The following NFIB variants were observed in gnomAD, a reference collection of about 807,000 sequenced individuals.
NFIB encodes the protein nuclear factor 1 B-type.
In NFIB, 11 loss-of-function variants were observed where a neutral mutation model predicts 61.5. That is an observed-to-expected ratio of 0.18 (90% CI 0.11 to 0.30). NFIB has a LOEUF of 0.30. NFIB is among the 10% of genes least tolerant of loss of function. The probability of loss-of-function intolerance (pLI) is 1.00; values close to 1 mark genes in which losing one functional copy is unlikely to be tolerated. For missense variants in NFIB, 471 were observed against 608.9 expected (o/e 0.77, Z 2.38); for synonymous variants, 260 against 216.5 (o/e 1.20, Z -1.76).
intron 1 of NFIB, among the ~76,000 whole-genome samples, chr9:14,355,680 G>A (rs1462764756): frequency 6.6e-6 from 1 of 152,210 alleles, no homozygotes; most frequent in Non-Finnish European, 1.5e-5. Flanking sequence ...TGCCTGGCCG[G>A]CTGCAGTGGC....
chr9:14,267,990 G>A lies in NFIB; in HGVS notation c.562+38999C>T, dbSNP rs566750240. Among the ~76,000 whole-genome samples, 260 of 152,060 alleles carry A rather than the reference G, an allele frequency of 1.7e-3. 1 individual carries two copies. Among genetic ancestry groups the A allele is most frequent in the Middle Eastern group, 3.4e-3 (1 of 294 alleles). ...TCTACAAAAATACAAAAATGTGCCC[G>A]GCATGATGGCGGGTGCCTGTAATCC... On this transcript the variant is annotated intron_variant, in intron 2 of 10. Coordinates refer to ENST00000380953, the MANE Select transcript of NFIB (RefSeq NM_001190737.2).
the NFIB span, among the ~76,000 whole-genome samples, chr9:14,473,807 T>C: frequency 6.6e-6 from 1 of 152,234 alleles, no homozygotes; most frequent in Non-Finnish European, 1.5e-5. Context: ...GTCTCCACTT[T>C]TGCTGAAAAA....
intron 1 of NFIB, among the ~76,000 whole-genome samples, chr9:14,396,691 G>A (rs887168458): frequency 2.0e-5 from 3 of 152,142 alleles, no homozygotes; most frequent in African/African-American, 2.4e-5. Flanking sequence ...GACGAAAGGA[G>A]AAATTGCTCA....
intron 10 of NFIB, among the ~76,000 whole-genome samples, chr9:14,112,762 G>A (rs2037565553): frequency 6.6e-6 from 1 of 152,144 alleles, no homozygotes; most frequent in African/African-American, 2.4e-5. Context: ...TATTACTCAT[G>A]GATGTTATCA....
At chr9:14,408,997 A>C in the NFIB span, among the ~76,000 whole-genome samples, 3 of 152,200 alleles carry the variant, frequency 2.0e-5, no homozygotes, top group South Asian at 2.1e-4. Context: ...GTCTGGTTTA[A>C]GTACTGCCAA....
the NFIB span, among the ~76,000 whole-genome samples, chr9:14,404,616 T>A: frequency 6.6e-6 from 1 of 152,186 alleles, no homozygotes; most frequent in Admixed American, 6.5e-5. Context: ...TACAGCTCCC[T>A]GTAGAAGCTA....
intron 1 of NFIB, chr9:14,361,176 A>C (rs1275896647): frequency 2.6e-5 from 4 of 151,902 alleles, no homozygotes; most frequent in Non-Finnish European, 5.9e-5. Flanking sequence ...TTTTTAATCT[A>C]ATTAAATTCA....
intron 1 of NFIB, among the ~76,000 whole-genome samples, chr9:14,308,544 T>A (rs753765625): frequency 2.0e-5 from 3 of 152,192 alleles, no homozygotes; most frequent in Non-Finnish European, 2.9e-5. Context: ...AGGTGAACAA[T>A]GAAAAATGGC....
rs557878391 is a variant in NFIB, at chr9:14,300,756, T to C, written c.562+6233A>G. 9.7e-4 allele frequency among the ~76,000 whole-genome samples: 148 copies of C among 152,306 alleles called. 1 individual carries two copies. The highest frequency in any genetic ancestry group is 3.4e-3 in the African/African-American group (140 of 41,576). On this transcript the variant is annotated intron_variant, in intron 2 of 10. Coordinates refer to ENST00000380953, the MANE Select transcript of NFIB (RefSeq NM_001190737.2). ...GACATAACCTTCCGTTGGGTCCCTCTCTCTTCAGGTGCTGAAATTCTAACT... is the reference window on the plus strand; with the variant it reads ...GACATAACCTTCCGTTGGGTCCCTCCCTCTTCAGGTGCTGAAATTCTAACT...
At chr9:14,405,850 G>C in the NFIB span, among the ~76,000 whole-genome samples, 1 of 152,146 alleles carries the variant, frequency 6.6e-6, no homozygotes, top group Non-Finnish European at 1.5e-5. Context: ...TGAAGACTTA[G>C]AAAGCAAGAA....
At chr9:14,340,909 A>G (rs1389566620) in intron 1 of NFIB, among the ~76,000 whole-genome samples, 2 of 141,408 alleles carry the variant, frequency 1.4e-5, no homozygotes, top group Non-Finnish European at 3.1e-5. Flanking sequence ...AGGACTGACC[A>G]GTGTCGGGGT....
chr9:14,423,202 G>A, the NFIB span, among the ~76,000 whole-genome samples: 4 of 152,184 alleles, frequency 2.6e-5, no homozygotes, highest in Non-Finnish European at 1.5e-5. Context: ...GTAGTAATCA[G>A]ATCGGGGCAA....
intron 10 of NFIB, among the ~76,000 whole-genome samples, chr9:14,104,334 C>T (rs1413447987): frequency 2.6e-5 from 4 of 151,920 alleles, no homozygotes; most frequent in Non-Finnish European, 5.9e-5. Flanking sequence ...TTCAGTCTAG[C>T]GGGAAGCAAT....
rs962727892 is a variant in NFIB at position 14,186,519 on chromosome 9, G to A, written c.563-6739C>T. On this transcript the variant is annotated intron_variant, in intron 2 of 10. Transcript: ENST00000380953. ...AACAGGTAAGAAACAAAAGCTTGAC[G>A]GAAGGAATACAAATGCATGTATTTT... Among the ~76,000 whole-genome samples the A allele has an allele frequency of 3.3e-5, 5 of 152,168 alleles. 1 individual carries two copies. The highest frequency in any genetic ancestry group is 1.9e-4 in the East Asian group (1 of 5,190).
intron 1 of NFIB, among the ~76,000 whole-genome samples, chr9:14,344,456 C>G (rs949296099): frequency 6.6e-6 from 1 of 152,054 alleles, no homozygotes; most frequent in Admixed American, 6.5e-5. Flanking sequence ...TGTTTGGCCT[C>G]TTTGTCTCTT....
At chr9:14,265,281 A>T (rs946146826) in intron 2 of NFIB, among the ~76,000 whole-genome samples, 1 of 152,198 alleles carries the variant, frequency 6.6e-6, no homozygotes, top group African/African-American at 2.4e-5. Context: ...TGTCCCCCCA[A>T]AATTCACATG....
chr9:14,399,139 A>T (rs1219890889), upstream of NFIB, among the ~76,000 whole-genome samples: 1 of 152,264 alleles, frequency 6.6e-6, no homozygotes, highest in African/African-American at 2.4e-5. Context: ...TATATTGATC[A>T]CATGTTAAAA....
At chr9:14,185,126 C>T (rs981788101) in intron 2 of NFIB, among the ~76,000 whole-genome samples, 1 of 151,864 alleles carries the variant, frequency 6.6e-6, no homozygotes, top group African/African-American at 2.4e-5. Context: ...TCAGAGGCTG[C>T]CTGAAGAGAC....
chr9:14,190,940 C>A (rs1257921541), intron 2 of NFIB, among the ~76,000 whole-genome samples: 1 of 152,112 alleles, frequency 6.6e-6, no homozygotes, highest in Non-Finnish European at 1.5e-5. Context: ...TGCCTTTAAT[C>A]CCAACACTAT....
Sources: allele counts gnomAD v4.1 joint callset (sites outside exome capture counted in the v4.1 genomes callset), GRCh38; gene constraint gnomAD v4.1.1; transcripts MANE v1.5; gene names NCBI Gene and HGNC (gene_info 2026-07-23, HGNC 2026-07-21).